The following CMSS1 variants were observed in gnomAD, a reference collection of about 807,000 sequenced individuals.
CMSS1 encodes cms1 ribosomal small subunit homolog, also known as protein CMSS1.
In CMSS1, 33 loss-of-function variants were observed where a neutral mutation model predicts 43.5. The observed-to-expected ratio is 0.76, with a 90% CI of 0.57 to 1.01. CMSS1 has a LOEUF of 1.01. Among genes scored for constraint, CMSS1 ranks in the 50% least tolerant of loss-of-function variants. The pLI is 0.00. For synonymous variants in CMSS1, 115 were observed against 117.2 expected (o/e 0.98, Z 0.12); for missense variants, 313 against 326.4 (o/e 0.96, Z 0.32).
At chr3:100,013,774 A>G (rs1457517097) in intron 1 of CMSS1, among the ~76,000 whole-genome samples, 1 of 152,218 alleles carries the variant, frequency 6.6e-6, no homozygotes, top group Non-Finnish European at 1.5e-5. Context: ...TGAAATGATT[A>G]AATCCAGCTA....
intron 1 of CMSS1, among the ~76,000 whole-genome samples, chr3:99,945,995 G>T (rs1403557466): frequency 1.3e-5 from 2 of 152,184 alleles, no homozygotes; most frequent in South Asian, 4.1e-4. Context: ...GTGAGTGTGT[G>T]CATACAGACA....
chr3:99,973,190 T>C (rs1708872717), intron 1 of CMSS1, among the ~76,000 whole-genome samples: 1 of 152,206 alleles, frequency 6.6e-6, no homozygotes, highest in Non-Finnish European at 1.5e-5. Context: ...TCTGAAAAAC[T>C]AGGAGCATTA....
In CMSS1 at chr3:99,848,194, G is replaced by A. The variant is rs931882088; in HGVS notation, c.64+30151G>A. On this transcript the variant is annotated intron_variant, in intron 1 of 9. Transcript: ENST00000421999. The stretch of plus-strand genomic sequence containing the variant: ...CCAAAGTACGAGTTCAGTCAGTCTT[G>A]GGGGATATGGAGGGATGATTAAAAA... 3.8e-6 allele frequency: 6 copies of A among 1,560,502 alleles called. No individual in the cohort carries two copies. The African/African-American group carries it at 8.1e-5, about 21-fold the overall frequency.
At chr3:99,842,576 G>A (rs1943183748) in intron 1 of CMSS1, among the ~76,000 whole-genome samples, 1 of 150,524 alleles carries the variant, frequency 6.6e-6, no homozygotes, top group Non-Finnish European at 1.5e-5. Context: ...CTATGAGGAG[G>A]AAGAAGAACT....
intron 1 of CMSS1, among the ~76,000 whole-genome samples, chr3:99,983,480 A>ATGTG (rs1559713756): frequency 4.0e-4 from 9 of 22,506 alleles, no homozygotes; most frequent in African/African-American, 1.1e-3. Flanking sequence ...ATATATATAT[A>ATGTG]TATATATATA....
intron 1 of CMSS1, among the ~76,000 whole-genome samples, chr3:99,980,279 C>T (rs1413042514): frequency 6.6e-6 from 1 of 152,110 alleles, no homozygotes; most frequent in Non-Finnish European, 1.5e-5. Context: ...ACCTCTGTGA[C>T]TTTGGACAAG....
intron 1 of CMSS1, among the ~76,000 whole-genome samples, chr3:99,882,543 G>A (rs1484432874): frequency 1.3e-5 from 2 of 152,202 alleles, no homozygotes; most frequent in African/African-American, 4.8e-5. Context: ...GGTATAAGAG[G>A]CCTTAGAAAA....
chr3:99,850,945 T>C, intron 1 of CMSS1: 1 of 1,614,210 alleles, frequency 6.2e-7, no homozygotes, highest in Non-Finnish European at 8.5e-7. Flanking sequence ...TTGCTGTTCA[T>C]CCACCACCAT....
chr3:99,880,320 T>A (rs566733707), intron 1 of CMSS1, among the ~76,000 whole-genome samples: 1 of 152,322 alleles, frequency 6.6e-6, no homozygotes, highest in African/African-American at 2.4e-5. Context: ...ATCTCCGCAC[T>A]TAAACTGTAC....
In CMSS1 at chr3:100,067,616, G is replaced by C. The variant is rs374350017; in HGVS notation, c.65-79357G>C. ...AATATAAGCCCTTAGGGGGAAAGAA[G>C]AACAACTAGAATTCACAAGATTATC... On this transcript the variant is annotated intron_variant, in intron 1 of 9. Coordinates refer to ENST00000421999, the MANE Select transcript of CMSS1 (RefSeq NM_032359.4). Among the ~76,000 whole-genome samples the C allele has an allele frequency of 3.9e-5, 6 of 152,280 alleles. No individual in the cohort carries two copies. The East Asian group carries it at 9.6e-4, about 24-fold the overall frequency.
At chr3:100,035,627 C>T (rs2065095144) in intron 1 of CMSS1, among the ~76,000 whole-genome samples, 1 of 152,184 alleles carries the variant, frequency 6.6e-6, no homozygotes, top group Admixed American at 6.5e-5. Flanking sequence ...TGACCTTTTT[C>T]ACCCCACCAA....
intron 2 of CMSS1, among the ~76,000 whole-genome samples, chr3:100,157,838 C>T (rs963009899): frequency 6.6e-6 from 1 of 152,186 alleles, no homozygotes; most frequent in African/African-American, 2.4e-5. Context: ...ACAGGAGTAG[C>T]TAATCATTCT....
chr3:100,101,694 T>C (rs2066308352), intron 1 of CMSS1, among the ~76,000 whole-genome samples: 1 of 152,146 alleles, frequency 6.6e-6, no homozygotes, highest in Non-Finnish European at 1.5e-5. Context: ...TATGTATACA[T>C]GTGCCATGTT....
intron 6 of CMSS1, 142 bp from the exon 7 acceptor site, chr3:100,171,695 ATC>A: frequency 1.5e-6 from 1 of 650,770 alleles, no homozygotes; most frequent in Non-Finnish European, 2.7e-6. Context: ...TAACCTGCAA[ATC>A]TCAGAATTTG....
intron 1 of CMSS1, among the ~76,000 whole-genome samples, chr3:100,076,481 G>C (rs1259714093): frequency 6.6e-6 from 1 of 152,124 alleles, no homozygotes; most frequent in Non-Finnish European, 1.5e-5. Context: ...TTTATGCTTT[G>C]CTATTTCTGT....
intron 1 of CMSS1, among the ~76,000 whole-genome samples, chr3:100,089,610 A>G (rs2066069262): frequency 6.6e-6 from 1 of 152,188 alleles, no homozygotes; most frequent in Admixed American, 6.5e-5. Context: ...AGCATTTCCC[A>G]TTATGGTTCT....
intron 9 of CMSS1, 104 bp from the exon 10 acceptor site, chr3:100,178,201 A>C: frequency 1.5e-6 from 1 of 647,378 alleles, no homozygotes; most frequent in Non-Finnish European, 2.8e-6. Flanking sequence ...GATTCTGGCC[A>C]TAACAGCTGG....
At chr3:100,079,598 A>C (rs1319818126) in intron 1 of CMSS1, among the ~76,000 whole-genome samples, 1 of 152,186 alleles carries the variant, frequency 6.6e-6, no homozygotes, top group Non-Finnish European at 1.5e-5. Flanking sequence ...ATTATTAAAA[A>C]TCTTTGTAAG....
chr3:100,109,754 A>G (rs1375193508), intron 1 of CMSS1, among the ~76,000 whole-genome samples: 1 of 152,140 alleles, frequency 6.6e-6, no homozygotes, highest in African/African-American at 2.4e-5. Flanking sequence ...GCAATTATGA[A>G]TGAAGCCACT....
Sources: allele counts gnomAD v4.1 joint callset (sites outside exome capture counted in the v4.1 genomes callset), GRCh38; gene constraint gnomAD v4.1.1; transcripts MANE v1.5; gene names NCBI Gene and HGNC (gene_info 2026-07-23, HGNC 2026-07-21).